The following RPL13A variants were observed in gnomAD, a reference collection of about 807,000 sequenced individuals.
RPL13A encodes ribosomal protein L13a, also known as large ribosomal subunit protein uL13.
A neutral mutation model predicts 30.8 loss-of-function variants in RPL13A; 4 were observed. That is an observed-to-expected ratio of 0.13 (90% CI 0.06 to 0.30). The LOEUF (loss-of-function observed/expected upper bound fraction) is 0.30, where lower values mean the gene tolerates loss of function less well. RPL13A is among the 10% of genes least tolerant of loss of function. RPL13A has a pLI of 1.00. For missense variants in RPL13A, 196 were observed against 272.6 expected (o/e 0.72, Z 1.98); for synonymous variants, 108 against 104.2 (o/e 1.04, Z -0.22).
In RPL13A at chr19:49,491,110, G is replaced by A; in HGVS notation, c.402+11G>A. 1 of 1,614,090 alleles carries A rather than the reference G, an allele frequency of 6.2e-7. No individual in the cohort carries two copies. On this transcript the variant is annotated intron_variant, in intron 6 of 7. Transcript: ENST00000391857. Reference sequence around the variant, plus strand: ...AAGCCTACAAGAAAGGTGAGTCCCAGCTTACGCTGCACCATCTACTTGGGA... The same window carrying A: ...AAGCCTACAAGAAAGGTGAGTCCCAACTTACGCTGCACCATCTACTTGGGA...
intron 4 of RPL13A, 96 bp from the exon 5 acceptor site, chr19:49,490,683 C>G: frequency 6.4e-7 from 1 of 1,569,654 alleles, no homozygotes; most frequent in Non-Finnish European, 8.8e-7. Context: ...TCCACATGCA[C>G]TACCATCTGA....
In RPL13A at chr19:49,490,982, C is replaced by T. The variant is rs368144848; in HGVS notation, c.343-58C>T. 120 of 1,609,798 alleles carry T rather than the reference C, an allele frequency of 7.5e-5. No individual in the cohort carries two copies. In the African/African-American group the frequency reaches 9.9e-4, roughly 13 times the overall value. ...GCACTGGCTGAGACGCCAGTCCAGCCGACCTCCTTCCCTGTCTGTCCCTCC... is the reference window on the plus strand; with the variant it reads ...GCACTGGCTGAGACGCCAGTCCAGCTGACCTCCTTCCCTGTCTGTCCCTCC... On this transcript the variant is annotated intron_variant, in intron 5 of 7. Coordinates refer to ENST00000391857, the MANE Select transcript of RPL13A (RefSeq NM_012423.4).
intron 1 of RPL13A, among the ~76,000 whole-genome samples, chr19:49,488,857 C>T (rs2079835699): frequency 6.6e-6 from 1 of 152,230 alleles, no homozygotes; most frequent in African/African-American, 2.4e-5. Context: ...AGGTGCCTGC[C>T]ACGACGCTTG....
chr19:49,489,998 G>T, intron 2 of RPL13A, 76 bp downstream of exon 2: 1 of 1,250,634 alleles, frequency 8.0e-7, no homozygotes, highest in Non-Finnish European at 1.2e-6. Flanking sequence ...ACCATCTTTC[G>T]TTTGAGTCTC....
rs769069527 is a variant in RPL13A, at chr19:49,491,175, G to A, written c.402+76G>A. 4 of 1,503,792 alleles carry A rather than the reference G, an allele frequency of 2.7e-6. No homozygotes were observed. In the South Asian group the frequency reaches 3.4e-5, roughly 13 times the overall value. 93.2% of individuals were successfully genotyped at this position (1,503,792 alleles called of 1,614,324 possible). On this transcript the variant is annotated intron_variant, in intron 6 of 7. Coordinates refer to ENST00000391857, the MANE Select transcript of RPL13A (RefSeq NM_012423.4). ...TGAGGGACCTGGGGACCTGGAGCCT[G>A]GCAGATGATGTCCTTATCTCACGAT...
chr19:49,491,876 A>G lies in RPL13A; in HGVS notation c.*61A>G. 1 of 1,352,116 alleles carries G rather than the reference A, an allele frequency of 7.4e-7. No homozygotes were observed. The highest frequency in any genetic ancestry group is 1.0e-6 in the Non-Finnish European group (1 of 969,030). The allele number at this position is 1,352,116 out of a possible 1,614,324, so 83.8% of individuals were successfully genotyped here. ...TGCCCTTCCTCCATTGTTGCCCTGG[A>G]ATGTACGGGACCCAGGGGCAGCAGC... On this transcript the variant is annotated 3_prime_UTR_variant, in exon 8 of 8. Coordinates refer to ENST00000391857, the MANE Select transcript of RPL13A (RefSeq NM_012423.4).
chr19:49,491,647 G>C (rs889657716), intron 7 of RPL13A, 82 bp from the exon 8 acceptor site: 16 of 1,572,632 alleles, frequency 1.0e-5, no homozygotes, highest in Non-Finnish European at 1.3e-5. Context: ...AGGACCAGCC[G>C]GGGTTGGGGT....
chr19:49,490,878 A>T lies in RPL13A; in HGVS notation c.342+14A>T. 1 of 1,614,080 alleles carries T rather than the reference A, an allele frequency of 6.2e-7. No homozygotes were observed. Among genetic ancestry groups the T allele is most frequent in the Non-Finnish European group, 8.5e-7 (1 of 1,179,960 alleles). ...CCCTACGACAAGGTGAGCTATGCCA[A>T]ACCCCACAGGCAGCGGCCTTACCTG... On this transcript the variant is annotated intron_variant, in intron 5 of 7. Transcript: ENST00000391857.
At chr19:49,488,371 C>T (rs4801801) in intron 1 of RPL13A, among the ~76,000 whole-genome samples, 33,056 of 152,084 alleles carry the variant, frequency 0.22, 6,116 homozygotes, top group African/African-American at 0.51. Context: ...GAGGGATTGG[C>T]CCTGGAAAGG....
intron 1 of RPL13A, 122 bp from the exon 2 acceptor site, chr19:49,489,728 C>A: frequency 1.2e-6 from 1 of 807,328 alleles, no homozygotes; most frequent in Non-Finnish European, 2.2e-6. Flanking sequence ...TAGTTCCCAG[C>A]TCTGATGGCT....
At chr19:49,491,708 A>G (rs752153366) in intron 7 of RPL13A, 21 bp from the exon 8 acceptor site, 4 of 1,610,006 alleles carry the variant, frequency 2.5e-6, no homozygotes, top group Middle Eastern at 1.7e-4. Flanking sequence ...GACCACCACC[A>G]CCTGCACTTA....
intron 1 of RPL13A, among the ~76,000 whole-genome samples, chr19:49,488,917 G>T (rs922824461): frequency 4.6e-5 from 7 of 152,204 alleles, no homozygotes; most frequent in Non-Finnish European, 1.5e-5. Context: ...TATTGGCCAG[G>T]ATGGTCTCGA....
rs573871387 is a variant in RPL13A at position 49,492,176 on chromosome 19, G to C, written c.*361G>C. 119 of 229,830 alleles carry C rather than the reference G, an allele frequency of 5.2e-4. 2 individuals are homozygous for C. Among genetic ancestry groups the C allele is most frequent in the South Asian group, 2.3e-3 (37 of 15,944 alleles). 14.2% of individuals were successfully genotyped at this position (229,830 alleles called of 1,614,324 possible). On this transcript the variant is annotated 3_prime_UTR_variant, in exon 8 of 8. Coordinates refer to ENST00000391857, the MANE Select transcript of RPL13A (RefSeq NM_012423.4). ...ATGTGCAAGCACTTGGGGACAGCAT[G>C]AGCTTGCTGTTGTACACAGGGTATT...
chr19:49,488,045 G>A (rs566132261), intron 1 of RPL13A, among the ~76,000 whole-genome samples: 23 of 152,286 alleles, frequency 1.5e-4, no homozygotes, highest in African/African-American at 4.8e-4. Context: ...CTGAGTTTTG[G>A]CCAAAATGGA....
chr19:49,491,343 C>A, intron 6 of RPL13A, 82 bp from the exon 7 acceptor site: 1 of 1,364,630 alleles, frequency 7.3e-7, no homozygotes, highest in Non-Finnish European at 1.0e-6. Flanking sequence ...TCCCAGCTCT[C>A]AACAGCTCCG....
At chr19:49,491,280 T>A (rs764371622) in intron 6 of RPL13A, 145 bp from the exon 7 acceptor site, 81 of 1,166,474 alleles carry the variant, frequency 6.9e-5, no homozygotes, top group Admixed American at 1.7e-4. Context: ...GGTGCTTTTC[T>A]AACAGGCCTG....
Position 49,490,457 on chromosome 19 carries a change from A to C in RPL13A, c.155-18A>C, listed in dbSNP as rs2079854020. 2 of 1,612,148 alleles carry C rather than the reference A, an allele frequency of 1.2e-6. No homozygotes were observed. Among genetic ancestry groups the C allele is most frequent in the African/African-American group, 2.7e-5 (2 of 74,540 alleles). On this transcript the variant is annotated intron_variant, in intron 3 of 7. Transcript: ENST00000391857. ...TGCTGGTAGACTGGGCAGGCCTCAC[A>C]CTCTCCCCTCTCCCTAGTGAAGTAC...
intron 6 of RPL13A, 79 bp from the exon 7 acceptor site, chr19:49,491,346 C>G: frequency 2.2e-6 from 3 of 1,374,136 alleles, no homozygotes; most frequent in South Asian, 2.3e-5. Flanking sequence ...CAGCTCTCAA[C>G]AGCTCCGGCT....
At chr19:49,490,039 C>T (rs2122618604) in intron 2 of RPL13A, 117 bp downstream of exon 2, 1 of 1,016,320 alleles carries the variant, frequency 9.8e-7, no homozygotes, top group East Asian at 2.4e-5. Context: ...ATGCACCGCT[C>T]TGAGACCTGC....
Sources: allele counts gnomAD v4.1 joint callset (sites outside exome capture counted in the v4.1 genomes callset), GRCh38; gene constraint gnomAD v4.1.1; transcripts MANE v1.5; gene names NCBI Gene and HGNC (gene_info 2026-07-23, HGNC 2026-07-21).